The following HSDL2 variants were observed in gnomAD, a reference collection of about 807,000 sequenced individuals.
The protein encoded by HSDL2 is hydroxysteroid dehydrogenase-like protein 2.
In HSDL2, 27 loss-of-function variants were observed where a neutral mutation model predicts 46.3. The observed-to-expected ratio is 0.58, with a 90% CI of 0.43 to 0.80. HSDL2 has a LOEUF of 0.80. Among genes scored for constraint, HSDL2 ranks in the 30% least tolerant of loss-of-function variants. The pLI is 0.00. For missense variants in HSDL2, 451 were observed against 502.7 expected (o/e 0.90, Z 0.98); for synonymous variants, 153 against 163.6 (o/e 0.94, Z 0.50).
chr9:112,456,011 A>G (rs1469760828), intron 9 of HSDL2, among the ~76,000 whole-genome samples: 1 of 152,178 alleles, frequency 6.6e-6, no homozygotes, highest in Non-Finnish European at 1.5e-5. Context: ...GAGATTCTGC[A>G]TGTCTGACAG....
chr9:112,456,465 T>C (rs1013977844), intron 9 of HSDL2, among the ~76,000 whole-genome samples: 1 of 152,142 alleles, frequency 6.6e-6, no homozygotes, highest in African/African-American at 2.4e-5. Flanking sequence ...AGTCCTTCAT[T>C]GTAACCTCCT....
At chr9:112,453,756 GT>G (rs1832946225) in intron 8 of HSDL2, among the ~76,000 whole-genome samples, 1 of 152,118 alleles carries the variant, frequency 6.6e-6, no homozygotes, top group African/African-American at 2.4e-5. Flanking sequence ...TAGTTTAGTA[GT>G]ATTTTTTAAC....
At chr9:112,430,046 T>G (rs10981404) in intron 6 of HSDL2, among the ~76,000 whole-genome samples, 9 of 151,022 alleles carry the variant, frequency 6.0e-5, no homozygotes, top group Non-Finnish European at 1.3e-4. Context: ...ATCATACCAC[T>G]GCACTCCAGC....
rs1253915773 is a variant in HSDL2 at position 112,470,469 on chromosome 9, AT to A, written c.1184del (p.Leu395Ter). ...KPTMAFMSGK[L>X]KIKGNMALAI... Reference sequence around the variant, plus strand: ...CAACAATGGCATTCATGTCAGGGAAATTGAAGATTAAAGGTAACATGGCCCT... The same window carrying A: ...CAACAATGGCATTCATGTCAGGGAAATGAAGATTAAAGGTAACATGGCCCT... On this transcript the variant is annotated frameshift_variant, in exon 11 of 11. Transcript: ENST00000398805. LOFTEE classifies it high-confidence loss of function. 1 of 1,612,068 alleles carries A rather than the reference AT, an allele frequency of 6.2e-7. No homozygotes were observed. The highest frequency in any genetic ancestry group is 8.5e-7 in the Non-Finnish European group (1 of 1,178,878).
intron 1 of HSDL2, among the ~76,000 whole-genome samples, 180 bp downstream of exon 1, chr9:112,380,360 G>A (rs1831055887): frequency 6.6e-6 from 1 of 152,102 alleles, no homozygotes; most frequent in South Asian, 2.1e-4. Context: ...GCGGTAACGT[G>A]TGAAAAGGAA....
At chr9:112,416,766 C>T (rs1832005519) in intron 4 of HSDL2, 75 bp from the exon 5 acceptor site, 3 of 705,784 alleles carry the variant, frequency 4.3e-6, no homozygotes, top group Non-Finnish European at 7.6e-6. Flanking sequence ...GAGCAAGGCC[C>T]CCTCTCTTAA....
intron 4 of HSDL2, among the ~76,000 whole-genome samples, chr9:112,412,928 C>A (rs1831910480): frequency 1.3e-5 from 2 of 150,492 alleles, no homozygotes; most frequent in Admixed American, 1.3e-4. Flanking sequence ...ACATAGTGAA[C>A]CCTGTCTCTG....
chr9:112,390,542 C>A (rs560360851), intron 1 of HSDL2, among the ~76,000 whole-genome samples: 3 of 152,184 alleles, frequency 2.0e-5, no homozygotes, highest in Non-Finnish European at 4.4e-5. Context: ...CAGCCTCGAC[C>A]TCCTGGGCTC....
At chr9:112,436,917 T>C (rs1832535773) in intron 6 of HSDL2, among the ~76,000 whole-genome samples, 1 of 151,854 alleles carries the variant, frequency 6.6e-6, no homozygotes, top group South Asian at 2.1e-4. Context: ...TTATAATTAA[T>C]TAAGCAATTT....
chr9:112,390,081 T>TAAAG (rs1378195215), intron 1 of HSDL2, among the ~76,000 whole-genome samples: 7 of 149,258 alleles, frequency 4.7e-5, no homozygotes, highest in Admixed American at 2.0e-4. Context: ...AATAAATAAA[T>TAAAG]AAATAAATAA....
chr9:112,392,012 C>T (rs775122169), intron 1 of HSDL2, among the ~76,000 whole-genome samples: 22 of 152,146 alleles, frequency 1.4e-4, no homozygotes, highest in Non-Finnish European at 2.2e-4. Flanking sequence ...CCTTAAGTGT[C>T]GGCCAGCTGA....
chr9:112,450,261 C>CGCCG (rs1554714615), intron 8 of HSDL2, among the ~76,000 whole-genome samples: 4 of 130,212 alleles, frequency 3.1e-5, no homozygotes, highest in Non-Finnish European at 4.8e-5. Context: ...GAGACCCCCC[C>CGCCG]CCCATCTCTA....
At chr9:112,413,844 G>A (rs1020604553) in intron 4 of HSDL2, among the ~76,000 whole-genome samples, 2 of 152,176 alleles carry the variant, frequency 1.3e-5, no homozygotes, top group African/African-American at 2.4e-5. Flanking sequence ...AGAGTACACC[G>A]ATCAAAGCAG....
chr9:112,391,349 C>T (rs56915944), intron 1 of HSDL2, among the ~76,000 whole-genome samples: 23,666 of 151,502 alleles, frequency 0.16, 2,182 homozygotes, highest in East Asian at 0.31. Flanking sequence ...GGCATGCACC[C>T]GTAGTTCCAG....
intron 1 of HSDL2, among the ~76,000 whole-genome samples, chr9:112,392,899 T>C (rs528667721): frequency 2.0e-5 from 3 of 152,368 alleles, no homozygotes; most frequent in Admixed American, 6.5e-5. Flanking sequence ...ATTTGGGAAC[T>C]GATAAATGTC....
intron 4 of HSDL2, among the ~76,000 whole-genome samples, chr9:112,409,879 A>C (rs1470371682): frequency 6.6e-6 from 1 of 152,214 alleles, no homozygotes; most frequent in East Asian, 1.9e-4. Flanking sequence ...ACTAAAGTGT[A>C]GCTCAAGCAT....
At chr9:112,456,324 A>G (rs140564364) in intron 9 of HSDL2, among the ~76,000 whole-genome samples, 75 of 152,250 alleles carry the variant, frequency 4.9e-4, no homozygotes, top group African/African-American at 1.7e-3. Flanking sequence ...TCCATTTCAC[A>G]TAATTGGTTT....
intron 7 of HSDL2, among the ~76,000 whole-genome samples, chr9:112,441,018 T>A (rs1439220252): frequency 2.0e-5 from 3 of 149,436 alleles, no homozygotes; most frequent in Non-Finnish European, 3.0e-5. Context: ...AAAAAATAAA[T>A]AAATAAATAA....
chr9:112,431,939 G>C (rs1337522360), intron 6 of HSDL2, among the ~76,000 whole-genome samples: 2 of 150,468 alleles, frequency 1.3e-5, no homozygotes, highest in African/African-American at 4.9e-5. Context: ...GAGTGCAGTG[G>C]TGCGATCTCA....
Sources: allele counts gnomAD v4.1 joint callset (sites outside exome capture counted in the v4.1 genomes callset), GRCh38; gene constraint gnomAD v4.1.1; transcripts MANE v1.5; gene names NCBI Gene and HGNC (gene_info 2026-07-23, HGNC 2026-07-21).